NDUFAF2: variants seen among roughly 807,000 people sequenced by gnomAD.
NDUFAF2 encodes the protein NADH:ubiquinone oxidoreductase complex assembly factor 2.
NDUFAF2 carries 13 observed loss-of-function variants against 22.8 expected under a neutral mutation model. The observed-to-expected ratio is 0.57, with a 90% CI of 0.37 to 0.91. The LOEUF (loss-of-function observed/expected upper bound fraction) is 0.91. Among genes scored for constraint, NDUFAF2 ranks in the 40% least tolerant of loss-of-function variants. NDUFAF2 has a pLI of 0.01. For missense variants in NDUFAF2, 162 were observed against 195.2 expected, an observed-to-expected ratio of 0.83 and a Z score of 1.01; for synonymous variants, 53 against 64.2, an observed-to-expected ratio of 0.83 and a Z score of 0.84.
intron 1 of NDUFAF2, among the ~76,000 whole-genome samples, chr5:61,023,184 T>A (rs1751607732): frequency 6.6e-6 from 1 of 152,152 alleles, no homozygotes; most frequent in African/African-American, 2.4e-5. Context: ...TCAGCTATTC[T>A]AATCTGTCAT....
chr5:61,129,749 AC>A (rs1436363866), intron 3 of NDUFAF2, among the ~76,000 whole-genome samples: 2 of 152,116 alleles, frequency 1.3e-5, no homozygotes, highest in Non-Finnish European at 2.9e-5. Flanking sequence ...TATGTAACAA[AC>A]CTGCACGTTG....
At chr5:61,035,619 T>C (rs1751791128) in intron 1 of NDUFAF2, among the ~76,000 whole-genome samples, 1 of 152,062 alleles carries the variant, frequency 6.6e-6, no homozygotes, top group African/African-American at 2.4e-5. Context: ...TCTTCCCCAC[T>C]ACACCAAAAA....
intron 3 of NDUFAF2, among the ~76,000 whole-genome samples, chr5:61,135,859 G>A (rs1740919864): frequency 6.6e-6 from 1 of 151,036 alleles, no homozygotes; most frequent in South Asian, 2.1e-4. Context: ...TTTAGCTGCT[G>A]GCCTTCTCAA....
intron 2 of NDUFAF2, among the ~76,000 whole-genome samples, chr5:61,082,377 C>T (rs80154095): frequency 0.12 from 18,578 of 152,150 alleles, 1,256 homozygotes; most frequent in African/African-American, 0.17. Context: ...GGACTACAGA[C>T]ACACATCACC....
chr5:61,027,376 T>G (rs1041023448), intron 1 of NDUFAF2, among the ~76,000 whole-genome samples: 2 of 151,798 alleles, frequency 1.3e-5, no homozygotes, highest in East Asian at 1.9e-4. Context: ...AAGAATGTGC[T>G]TATTCTTCTA....
chr5:60,972,849 GT>G (rs1750854578), intron 1 of NDUFAF2, among the ~76,000 whole-genome samples: 1 of 139,662 alleles, frequency 7.2e-6, no homozygotes, highest in Admixed American at 7.3e-5. Flanking sequence ...AAGGTTTGTA[GT>G]TTTGTATTTA....
At chr5:60,966,843 C>T (rs967338712) in intron 1 of NDUFAF2, among the ~76,000 whole-genome samples, 1 of 152,036 alleles carries the variant, frequency 6.6e-6, no homozygotes, top group Non-Finnish European at 1.5e-5. Flanking sequence ...GGTGGCTTCA[C>T]TGAAATTTTA....
intron 3 of NDUFAF2, among the ~76,000 whole-genome samples, chr5:61,103,232 GCTACCCTACTCTTCTGTACCCTACT>G (rs1752724450): frequency 6.6e-6 from 1 of 151,914 alleles, no homozygotes. Context: ...GTCTCCTTAG[GCTACCCTACTCTTCTGTACCCTACT>G]CTACCCTACT....
At chr5:61,150,107 T>A (rs1741208640) in intron 3 of NDUFAF2, among the ~76,000 whole-genome samples, 1 of 152,132 alleles carries the variant, frequency 6.6e-6, no homozygotes, top group Non-Finnish European at 1.5e-5. Flanking sequence ...AATTTTTGTA[T>A]TTTTAGTAGA....
chr5:61,119,343 T>C (rs1473197511), intron 3 of NDUFAF2, among the ~76,000 whole-genome samples: 4 of 152,202 alleles, frequency 2.6e-5, no homozygotes, highest in Non-Finnish European at 5.9e-5. Context: ...CCCTGGACAC[T>C]ACACTAGACA....
At chr5:61,014,053 T>C (rs1751474675) in intron 1 of NDUFAF2, among the ~76,000 whole-genome samples, 1 of 152,306 alleles carries the variant, frequency 6.6e-6, no homozygotes, top group Non-Finnish European at 1.5e-5. Context: ...TGTATGCTCA[T>C]GAGATGGCTG....
chr5:61,102,596 A>G (rs1035881824), intron 3 of NDUFAF2, among the ~76,000 whole-genome samples: 4 of 152,126 alleles, frequency 2.6e-5, no homozygotes, highest in Non-Finnish European at 5.9e-5. Flanking sequence ...ATATCTTTGC[A>G]ATTTTGAGGT....
rs1177053804 is a variant in NDUFAF2 at position 61,128,433 on chromosome 5, A to G, written c.259-24271A>G. On this transcript the variant is annotated intron_variant, in intron 3 of 3. Transcript: ENST00000296597. ...GCTACAGTAACCAAAACAGCATGGT[A>G]CTGGTACCAAAACAGAGATATAGAC... 5.3e-5 allele frequency among the ~76,000 whole-genome samples: 8 copies of G among 152,308 alleles called. No individual in the cohort carries two copies. The South Asian group carries it at 1.2e-3, about 24-fold the overall frequency.
At chr5:61,069,126 C>CT (rs71606660) in intron 1 of NDUFAF2, among the ~76,000 whole-genome samples, 20,719 of 136,868 alleles carry the variant, frequency 0.15, 1,686 homozygotes, top group South Asian at 0.27. Flanking sequence ...AATGTTAGTG[C>CT]TTTTTTTTTT....
chr5:60,945,303 A>C lies in NDUFAF2; in HGVS notation c.48A>C (p.Ser16=). 1 of 1,613,996 alleles carries C rather than the reference A, an allele frequency of 6.2e-7. No homozygotes were observed. Among genetic ancestry groups the C allele is most frequent in the Non-Finnish European group, 8.5e-7 (1 of 1,179,986 alleles). The change falls in exon 1 of 4, where the codon TCA becomes TCC. Residue 16 remains serine, a synonymous_variant. Coordinates refer to ENST00000296597, the MANE Select transcript of NDUFAF2 (RefSeq NM_174889.5). ...DLFRALWRSL[S]REVKEHVGTD... Reference sequence around the variant, plus strand: ...TCCGCGCCTTGTGGAGATCGCTGTCAAGGGAAGTGAAGGAGCACGTGGGCA... The same window carrying C: ...TCCGCGCCTTGTGGAGATCGCTGTCCAGGGAAGTGAAGGAGCACGTGGGCA...
intron 1 of NDUFAF2, among the ~76,000 whole-genome samples, chr5:61,016,807 G>A (rs1421728548): frequency 6.6e-6 from 1 of 152,124 alleles, no homozygotes; most frequent in Non-Finnish European, 1.5e-5. Flanking sequence ...TAATAATTGA[G>A]TCTCAGTTTA....
At chr5:60,949,857 T>C (rs931017381) in intron 1 of NDUFAF2, among the ~76,000 whole-genome samples, 1 of 152,208 alleles carries the variant, frequency 6.6e-6, no homozygotes, top group Non-Finnish European at 1.5e-5. Flanking sequence ...TAAATGATGC[T>C]TTAAAAAACG....
At chr5:61,068,972 T>C (rs773695209) in intron 1 of NDUFAF2, among the ~76,000 whole-genome samples, 25 of 152,172 alleles carry the variant, frequency 1.6e-4, no homozygotes, top group Non-Finnish European at 2.9e-4. Flanking sequence ...CTCTTAAGCC[T>C]CAATCTCTTT....
chr5:61,084,523 A>G lies in NDUFAF2; in HGVS notation c.217+11309A>G, dbSNP rs893323495. ...AACCACCATTCTACTTTTTGTCCCTATGAATCTGACTACTCTAAGTACGTC... is the reference window on the plus strand; with the variant it reads ...AACCACCATTCTACTTTTTGTCCCTGTGAATCTGACTACTCTAAGTACGTC... On this transcript the variant is annotated intron_variant, in intron 2 of 3. Coordinates refer to ENST00000296597, the MANE Select transcript of NDUFAF2 (RefSeq NM_174889.5). Among the ~76,000 whole-genome samples, 5 of 152,234 alleles carry G rather than the reference A, an allele frequency of 3.3e-5. 1 individual carries two copies. The South Asian group carries it at 6.2e-4, about 19-fold the overall frequency.
Sources: allele counts gnomAD v4.1 joint callset (sites outside exome capture counted in the v4.1 genomes callset), GRCh38; gene constraint gnomAD v4.1.1; transcripts MANE v1.5; gene names NCBI Gene and HGNC (gene_info 2026-07-23, HGNC 2026-07-21).